The following PPARGC1A variants were observed in gnomAD, a reference collection of about 807,000 sequenced individuals.
PPARGC1A encodes peroxisome proliferator-activated receptor gamma coactivator 1-alpha.
A neutral mutation model predicts 88.7 loss-of-function variants in PPARGC1A; 25 were observed. The observed-to-expected ratio is 0.28, with a 90% CI of 0.21 to 0.39. The LOEUF (loss-of-function observed/expected upper bound fraction) is 0.39. Ranked by LOEUF, PPARGC1A falls within the 10% of genes least tolerant of loss-of-function variation. PPARGC1A has a pLI of 1.00. For missense variants in PPARGC1A, 880 were observed against 968.7 expected (o/e 0.91, Z 1.22); for synonymous variants, 363 against 355.6 (o/e 1.02, Z -0.24).
chr4:24,341,100 A>G, the PPARGC1A span, among the ~76,000 whole-genome samples: 459 of 152,260 alleles, frequency 3.0e-3, 6 homozygotes, highest in African/African-American at 0.011. Context: ...TCTCAAGAAA[A>G]TATAACTCTA....
At chr4:23,868,575 T>C (rs1169624460) in intron 2 of PPARGC1A, among the ~76,000 whole-genome samples, 1 of 152,218 alleles carries the variant, frequency 6.6e-6, no homozygotes, top group South Asian at 2.1e-4. Flanking sequence ...CAGTTTATAA[T>C]GCACCTTGAG....
chr4:24,131,083 T>TA, the PPARGC1A span, among the ~76,000 whole-genome samples: 1 of 152,210 alleles, frequency 6.6e-6, no homozygotes, highest in Non-Finnish European at 1.5e-5. Context: ...TCTTTACTGA[T>TA]ATGTCTTTCT....
At chr4:24,432,288 T>C in the PPARGC1A span, among the ~76,000 whole-genome samples, 1 of 152,132 alleles carries the variant, frequency 6.6e-6, no homozygotes, top group African/African-American at 2.4e-5. Context: ...GGAGAAGATG[T>C]GCCTGCCATG....
chr4:24,323,478 T>C, the PPARGC1A span, among the ~76,000 whole-genome samples: 2 of 152,136 alleles, frequency 1.3e-5, no homozygotes, highest in Non-Finnish European at 2.9e-5. Context: ...AGTTTCCTTC[T>C]CCTGGCTCAG....
At chr4:24,230,214 A>G in the PPARGC1A span, among the ~76,000 whole-genome samples, 1 of 152,330 alleles carries the variant, frequency 6.6e-6, no homozygotes, top group East Asian at 1.9e-4. Flanking sequence ...ACATGTGTAT[A>G]AACAAGCCCT....
chr4:23,909,604 G>A, the PPARGC1A span, among the ~76,000 whole-genome samples: 2,364 of 151,938 alleles, frequency 0.016, 185 homozygotes, highest in Admixed American at 0.11. Context: ...GTGACAGGCA[G>A]AAGGAGGAGG....
At chr4:24,214,614 G>A in the PPARGC1A span, among the ~76,000 whole-genome samples, 3 of 152,126 alleles carry the variant, frequency 2.0e-5, no homozygotes, top group Admixed American at 6.5e-5. Context: ...AGAGTCCTCT[G>A]CACTTGCTCT....
chr4:24,014,390 T>C, the PPARGC1A span, among the ~76,000 whole-genome samples: 1 of 152,222 alleles, frequency 6.6e-6, no homozygotes, highest in African/African-American at 2.4e-5. Context: ...GATCTTTTGA[T>C]GTTTGTATTC....
At chr4:24,170,769 T>C in the PPARGC1A span, among the ~76,000 whole-genome samples, 119 of 152,312 alleles carry the variant, frequency 7.8e-4, 1 homozygote, top group East Asian at 0.016. Context: ...CAGCTGAGCA[T>C]TTAACACCTG....
chr4:24,467,119 G>A, the PPARGC1A span, among the ~76,000 whole-genome samples: 2 of 147,354 alleles, frequency 1.4e-5, no homozygotes, highest in South Asian at 2.2e-4. Context: ...AGGGAGGGAG[G>A]GATGGAGGAA....
At chr4:24,362,132 G>A in the PPARGC1A span, among the ~76,000 whole-genome samples, 11 of 152,294 alleles carry the variant, frequency 7.2e-5, no homozygotes, top group East Asian at 1.5e-3. Context: ...ATCCTGTTAT[G>A]AAGAGACTAT....
the PPARGC1A span, among the ~76,000 whole-genome samples, chr4:24,279,529 G>A: frequency 3.9e-5 from 6 of 152,200 alleles, no homozygotes; most frequent in Admixed American, 6.5e-5. Flanking sequence ...ATTTGTTATC[G>A]TTGTGTCTAG....
chr4:24,266,984 G>A, the PPARGC1A span, among the ~76,000 whole-genome samples: 1 of 152,066 alleles, frequency 6.6e-6, no homozygotes, highest in African/African-American at 2.4e-5. Context: ...TCAACCAGAA[G>A]ACCCACATAC....
In PPARGC1A at chr4:23,801,724, C is replaced by A. The variant is rs756648218; in HGVS notation, c.2293+6G>T. On this transcript the variant is annotated splice_donor_region_variant and intron_variant, in intron 12 of 12. Coordinates refer to ENST00000264867, the MANE Select transcript of PPARGC1A (RefSeq NM_013261.5). Reference sequence around the variant, plus strand: ...TTCCTCATTCCACGTACAATAAAATCCATACCTAGGTCTGCATAGTTAGAC... The same window carrying A: ...TTCCTCATTCCACGTACAATAAAATACATACCTAGGTCTGCATAGTTAGAC... 6.2e-7 allele frequency: 1 copy of A among 1,613,754 alleles called. No homozygotes were observed. Among genetic ancestry groups the A allele is most frequent in the Non-Finnish European group, 8.5e-7 (1 of 1,179,852 alleles).
chr4:24,416,500 G>A, the PPARGC1A span, among the ~76,000 whole-genome samples: 1 of 152,174 alleles, frequency 6.6e-6, no homozygotes, highest in Non-Finnish European at 1.5e-5. Context: ...AGGGCTGAGG[G>A]CCAGAGACAA....
chr4:24,219,180 T>C, the PPARGC1A span, among the ~76,000 whole-genome samples: 1 of 152,246 alleles, frequency 6.6e-6, no homozygotes, highest in Non-Finnish European at 1.5e-5. Flanking sequence ...AGATGTTTTA[T>C]GGTCCCACAA....
At chr4:24,272,425 T>C in the PPARGC1A span, among the ~76,000 whole-genome samples, 1 of 152,088 alleles carries the variant, frequency 6.6e-6, no homozygotes, top group African/African-American at 2.4e-5. Context: ...GCAAGTGCCA[T>C]GAAATTCCCA....
At chr4:24,142,184 TG>T in the PPARGC1A span, among the ~76,000 whole-genome samples, 2 of 152,012 alleles carry the variant, frequency 1.3e-5, no homozygotes, top group Non-Finnish European at 2.9e-5. Flanking sequence ...CTCCATAGAG[TG>T]TTTGAAGCAC....
At chr4:23,996,346 T>C in the PPARGC1A span, among the ~76,000 whole-genome samples, 128,488 of 152,154 alleles carry the variant, frequency 0.84, 54,585 homozygotes, top group Middle Eastern at 0.94. Context: ...TTACACAATA[T>C]AGCGGCTTCT....
Sources: allele counts gnomAD v4.1 joint callset (sites outside exome capture counted in the v4.1 genomes callset), GRCh38; gene constraint gnomAD v4.1.1; transcripts MANE v1.5; gene names NCBI Gene and HGNC (gene_info 2026-07-23, HGNC 2026-07-21).